ARHGAP12: variants seen among roughly 807,000 people sequenced by gnomAD.
ARHGAP12 encodes the protein rho GTPase-activating protein 12.
A neutral mutation model predicts 108.6 loss-of-function variants in ARHGAP12; 64 were observed. That is an observed-to-expected ratio of 0.59 (90% CI 0.48 to 0.73). The LOEUF is 0.73. Among genes scored for constraint, ARHGAP12 ranks in the 30% least tolerant of loss-of-function variants. The probability of loss-of-function intolerance (pLI) is 0.00; values close to 1 mark genes in which losing one functional copy is unlikely to be tolerated. For synonymous variants in ARHGAP12, 312 were observed against 337.2 expected, an observed-to-expected ratio of 0.93 and a Z score of 0.82; for missense variants, 940 against 1,005.9, an observed-to-expected ratio of 0.93 and a Z score of 0.89.
At chr10:31,910,340 C>A (rs1165885014) in intron 2 of ARHGAP12, among the ~76,000 whole-genome samples, 185 bp downstream of exon 2, 1 of 152,180 alleles carries the variant, frequency 6.6e-6, no homozygotes, top group South Asian at 2.1e-4. Context: ...TTATTCTACA[C>A]TACAGGTGTA....
In ARHGAP12 at chr10:31,870,265, C is replaced by T. The variant is rs186454378; in HGVS notation, c.685-8607G>A. On this transcript the variant is annotated intron_variant, in intron 3 of 19. Transcript: ENST00000344936. ...TTTTTTTGAGATGGAATCTCGCTCT[C>T]ATTGCCCAGGCTGGAGTGCAATGGT... Among the ~76,000 whole-genome samples the T allele has an allele frequency of 1.7e-4, 24 of 144,338 alleles. No homozygotes were observed. In the East Asian group the frequency reaches 4.8e-3, roughly 29 times the overall value. The allele number at this position is 144,338 out of a possible 152,430, so 94.7% of individuals were successfully genotyped here.
intron 1 of ARHGAP12, among the ~76,000 whole-genome samples, chr10:31,919,740 G>A (rs1453200855): frequency 6.0e-5 from 9 of 151,158 alleles, no homozygotes; most frequent in South Asian, 2.1e-4. Flanking sequence ...CCAGTGAGCC[G>A]AGATCGCACC....
At chr10:31,827,065 A>G (rs889998226) in intron 10 of ARHGAP12, 2 of 152,216 alleles carry the variant, frequency 1.3e-5, no homozygotes, top group Non-Finnish European at 2.9e-5. Context: ...CTTTGGTATA[A>G]TATGGGGCTT....
Position 31,817,825 on chromosome 10 carries a change from T to C in ARHGAP12, c.1694A>G (p.Asp565Gly). The change falls in exon 13 of 20, where the codon GAT becomes GGT. Residue 565 changes from aspartate to glycine, a missense_variant. Coordinates refer to ENST00000344936, the MANE Select transcript of ARHGAP12 (RefSeq NM_018287.7). Reference protein sequence around the residue: ...IQSDNDTVINDWFKVLSSTIN... With the variant: ...IQSDNDTVINGWFKVLSSTIN... Reference sequence around the variant, plus strand: ...TGTACTACTAAGAACTTTAAACCAATCATTAATAACAGTGTCATTGTCAGA... The same window carrying C: ...TGTACTACTAAGAACTTTAAACCAACCATTAATAACAGTGTCATTGTCAGA... 6.2e-7 allele frequency: 1 copy of C among 1,611,780 alleles called. No homozygotes were observed.
chr10:31,896,380 CATT>C (rs1206791259), intron 3 of ARHGAP12, among the ~76,000 whole-genome samples: 1 of 148,692 alleles, frequency 6.7e-6, no homozygotes, highest in Non-Finnish European at 1.5e-5. Flanking sequence ...CATAAAAACT[CATT>C]ATTGCATTTT....
At chr10:31,846,719 T>C (rs975323013) in intron 6 of ARHGAP12, among the ~76,000 whole-genome samples, 2 of 152,258 alleles carry the variant, frequency 1.3e-5, no homozygotes, top group South Asian at 4.1e-4. Context: ...GTTTACCTTA[T>C]CTGGTGTTTA....
intron 1 of ARHGAP12, among the ~76,000 whole-genome samples, chr10:31,926,048 G>C (rs1157399280): frequency 6.6e-6 from 1 of 151,988 alleles, no homozygotes; most frequent in African/African-American, 2.4e-5. Context: ...ATTTCTATTG[G>C]ACAGCAGTGG....
At chr10:31,854,035 A>C in intron 5 of ARHGAP12, 31 bp downstream of exon 5, 1 of 1,584,290 alleles carries the variant, frequency 6.3e-7, no homozygotes, top group Non-Finnish European at 8.6e-7. Context: ...AATTCTGCCA[A>C]AAAACACTAG....
intron 1 of ARHGAP12, among the ~76,000 whole-genome samples, chr10:31,924,430 C>G (rs1037627039): frequency 4.6e-5 from 7 of 152,152 alleles, no homozygotes; most frequent in African/African-American, 1.4e-4. Flanking sequence ...GATGGTATCA[C>G]ATTAATCACT....
intron 3 of ARHGAP12, among the ~76,000 whole-genome samples, chr10:31,895,688 T>A (rs1838652612): frequency 1.3e-5 from 2 of 152,190 alleles, no homozygotes; most frequent in East Asian, 3.8e-4. Flanking sequence ...TGGCGATTCC[T>A]CAAGGATCTA....
At chr10:31,896,518 C>G (rs1030789386) in intron 3 of ARHGAP12, among the ~76,000 whole-genome samples, 1 of 152,092 alleles carries the variant, frequency 6.6e-6, no homozygotes. Flanking sequence ...CATTTCTACT[C>G]CCCAGTTTCA....
chr10:31,837,525 A>G (rs1836074127), intron 9 of ARHGAP12, among the ~76,000 whole-genome samples: 1 of 152,214 alleles, frequency 6.6e-6, no homozygotes, highest in Non-Finnish European at 1.5e-5. Flanking sequence ...AGAAGAGAAC[A>G]TTATTCTGCT....
At chr10:31,877,613 C>T (rs1001168834) in intron 3 of ARHGAP12, among the ~76,000 whole-genome samples, 1 of 152,172 alleles carries the variant, frequency 6.6e-6, no homozygotes, top group Non-Finnish European at 1.5e-5. Flanking sequence ...ACTACTTTAA[C>T]TAAAAAGTGA....
intron 3 of ARHGAP12, among the ~76,000 whole-genome samples, chr10:31,894,525 G>C (rs1755092126): frequency 6.6e-6 from 1 of 152,056 alleles, no homozygotes; most frequent in African/African-American, 2.4e-5. Context: ...AAAATACCTA[G>C]GAATCCAACT....
At chr10:31,814,405 T>A in intron 13 of ARHGAP12, 44 bp from the exon 14 acceptor site, 2 of 1,442,246 alleles carry the variant, frequency 1.4e-6, no homozygotes, top group South Asian at 1.2e-5. Context: ...ACTTCTAGTA[T>A]TACTATAGTT....
intron 1 of ARHGAP12, among the ~76,000 whole-genome samples, chr10:31,915,821 T>C (rs1434058614): frequency 6.6e-6 from 1 of 152,098 alleles, no homozygotes; most frequent in Admixed American, 6.6e-5. Context: ...ATCAGATAAA[T>C]TCTCTGAAAA....
rs758640731 is a variant in ARHGAP12, at chr10:31,809,041, T to C, written c.2216A>G (p.Glu739Gly). 2.5e-6 allele frequency: 4 copies of C among 1,603,138 alleles called. No homozygotes were observed. Among genetic ancestry groups the C allele is most frequent in the Non-Finnish European group, 3.4e-6 (4 of 1,170,824 alleles). ...ALKMFFRELP[E>G]PLFTFNHFND... The stretch of plus-strand genomic sequence containing the variant: ...AAAATGATTAAATGTAAAAAGAGGT[T>C]CTGGTAATTCTCGAAAAAACATTTT... Residue 739 changes from glutamate (E) to glycine (G), a missense_variant, in exon 18 of 20, where the codon GAA becomes GGA. Glu to Gly is a moderately conservative substitution (Grantham distance 98, BLOSUM62 -2). Transcript: ENST00000344936.
intron 13 of ARHGAP12, 120 bp from the exon 14 acceptor site, chr10:31,814,481 T>A: frequency 1.3e-6 from 1 of 750,272 alleles, no homozygotes; most frequent in Non-Finnish European, 2.3e-6. Context: ...GGAAACCAAT[T>A]AGTATACAGT....
At chr10:31,827,128 C>T (rs1448749785) in intron 10 of ARHGAP12, among the ~76,000 whole-genome samples, 1 of 152,102 alleles carries the variant, frequency 6.6e-6, no homozygotes, top group Non-Finnish European at 1.5e-5. Context: ...CAGAGGTACG[C>T]CTCACACAGC....
Sources: allele counts gnomAD v4.1 joint callset (sites outside exome capture counted in the v4.1 genomes callset), GRCh38; gene constraint gnomAD v4.1.1; transcripts MANE v1.5; gene names NCBI Gene and HGNC (gene_info 2026-07-23, HGNC 2026-07-21).